Variants in POLN observed in about 807,000 individuals in gnomAD.
POLN encodes DNA polymerase N.
POLN carries 108 observed loss-of-function variants against 113.5 expected under a neutral mutation model. The ratio of observed to expected loss-of-function variants is 0.95; its 90% CI spans 0.81 to 1.12. The LOEUF (loss-of-function observed/expected upper bound fraction) is 1.12. Ranked by LOEUF, POLN falls within the 50% of genes most tolerant of loss-of-function variation. The probability of loss-of-function intolerance (pLI) is 0.00; values close to 1 mark genes in which losing one functional copy is unlikely to be tolerated. For synonymous variants in POLN, 386 were observed against 391.5 expected, an observed-to-expected ratio of 0.99 and a Z score of 0.17; for missense variants, 1,097 against 1,077.1, an observed-to-expected ratio of 1.02 and a Z score of -0.26.
intron 5 of POLN, among the ~76,000 whole-genome samples, chr4:2,201,477 T>A (rs1237938447): frequency 9.9e-5 from 15 of 151,240 alleles, no homozygotes; most frequent in Admixed American, 9.9e-4. Flanking sequence ...GGTTTTCAAA[T>A]TAACCCAATC....
intron 17 of POLN, among the ~76,000 whole-genome samples, chr4:2,130,560 G>C (rs756280608): frequency 1.3e-5 from 2 of 152,174 alleles, no homozygotes; most frequent in Non-Finnish European, 2.9e-5. Context: ...TTTTTAATGA[G>C]CTCTTAAACT....
chr4:2,133,259 G>T (rs896725775), intron 16 of POLN, among the ~76,000 whole-genome samples: 2 of 151,982 alleles, frequency 1.3e-5, no homozygotes, highest in Non-Finnish European at 2.9e-5. Context: ...CAATATGGAG[G>T]TTCCTCAAAA....
At chr4:2,140,406 G>T (rs1049885021) in intron 16 of POLN, among the ~76,000 whole-genome samples, 1 of 152,054 alleles carries the variant, frequency 6.6e-6, no homozygotes, top group Non-Finnish European at 1.5e-5. Context: ...CATGGAATAG[G>T]TTTAAAATTT....
chr4:2,171,280 C>T (rs866014957), intron 11 of POLN, 99 bp from the exon 12 acceptor site: 111 of 1,096,944 alleles, frequency 1.0e-4, no homozygotes, highest in African/African-American at 7.3e-4. Context: ...GAGATGGGCA[C>T]GGTGGCTTAT....
At chr4:2,130,027 G>A (rs891928578) in intron 17 of POLN, among the ~76,000 whole-genome samples, 2 of 151,960 alleles carry the variant, frequency 1.3e-5, no homozygotes, top group Non-Finnish European at 2.9e-5. Context: ...GCCGAGATGG[G>A]AAGATCACTT....
At chr4:2,081,825 G>A (rs1292822168) in intron 21 of POLN, 82 bp from the exon 22 acceptor site, 39 of 1,177,496 alleles carry the variant, frequency 3.3e-5, no homozygotes, top group Non-Finnish European at 4.5e-5. Flanking sequence ...AGGTCCAGAG[G>A]CCACAGAGGG....
chr4:2,146,231 C>T (rs989701876), intron 16 of POLN, among the ~76,000 whole-genome samples: 6 of 152,244 alleles, frequency 3.9e-5, no homozygotes, highest in South Asian at 2.1e-4. Flanking sequence ...GTAGGCCAGG[C>T]GTGGTGGCTC....
At chr4:2,224,949 T>C (rs1191840216) in intron 3 of POLN, among the ~76,000 whole-genome samples, 1 of 151,546 alleles carries the variant, frequency 6.6e-6, no homozygotes, top group Non-Finnish European at 1.5e-5. Context: ...AAACTCTGTC[T>C]TGGGAAAAAA....
chr4:2,131,047 T>C (rs979402398), intron 17 of POLN, among the ~76,000 whole-genome samples, 186 bp downstream of exon 17: 1 of 152,106 alleles, frequency 6.6e-6, no homozygotes, highest in Non-Finnish European at 1.5e-5. Flanking sequence ...TAGCCAAGTA[T>C]GGTGGTGTGT....
chr4:2,085,033 C>T (rs1232865366), intron 21 of POLN, among the ~76,000 whole-genome samples: 1 of 152,242 alleles, frequency 6.6e-6, no homozygotes, highest in Non-Finnish European at 1.5e-5. Context: ...AGCTTAGCCA[C>T]ATCCCAGTTT....
chr4:2,078,082 C>A (rs1730318329), intron 23 of POLN, among the ~76,000 whole-genome samples: 1 of 152,258 alleles, frequency 6.6e-6, no homozygotes, highest in South Asian at 2.1e-4. Context: ...AGCTCCCTTG[C>A]AAGGGATGCC....
intron 19 of POLN, among the ~76,000 whole-genome samples, chr4:2,122,916 G>C (rs1295383518): frequency 6.6e-6 from 1 of 152,074 alleles, no homozygotes; most frequent in Non-Finnish European, 1.5e-5. Flanking sequence ...ACTTTGGGAG[G>C]CCAAGGAGGG....
rs1730624459 is a variant in POLN, at chr4:2,089,802, A to C, written c.2066-4058T>G. On this transcript the variant is annotated intron_variant, in intron 20 of 25. Coordinates refer to ENST00000511885, the MANE Select transcript of POLN (RefSeq NM_181808.4). Reference sequence around the variant, plus strand: ...TGAATGCAGAATCATCTTTGGAAGCACATTCAGATGGATGAAGTCTCAACA... The same window carrying C: ...TGAATGCAGAATCATCTTTGGAAGCCCATTCAGATGGATGAAGTCTCAACA... 4 of 790,356 alleles carry C rather than the reference A, an allele frequency of 5.1e-6. No individual in the cohort carries two copies. In the African/African-American group the frequency reaches 5.2e-5, roughly 10 times the overall value. The allele number at this position is 790,356 out of a possible 1,614,324, so 49.0% of individuals were successfully genotyped here.
At chr4:2,159,770 T>C (rs1732531064) in intron 13 of POLN, among the ~76,000 whole-genome samples, 1 of 152,236 alleles carries the variant, frequency 6.6e-6, no homozygotes, top group African/African-American at 2.4e-5. Context: ...GTTACCTGTT[T>C]CCTGTCGTTG....
intron 19 of POLN, among the ~76,000 whole-genome samples, chr4:2,107,800 G>A (rs58925311): frequency 0.048 from 7,363 of 152,204 alleles, 630 homozygotes; most frequent in African/African-American, 0.17. Flanking sequence ...AGGGAAAACT[G>A]CCGCTGGGGC....
chr4:2,215,500 ATG>A (rs1401469691), intron 3 of POLN, among the ~76,000 whole-genome samples: 1 of 152,184 alleles, frequency 6.6e-6, no homozygotes, highest in African/African-American at 2.4e-5. Context: ...GGTCCTACAG[ATG>A]TGTCTCCCAA....
rs1046434053 is a variant in POLN, at chr4:2,115,891, T to C, written c.1982+12222A>G. On this transcript the variant is annotated intron_variant, in intron 19 of 25. Transcript: ENST00000511885. Reference sequence around the variant, plus strand: ...GTCCGGAGTCTAAGAACTGCACAATTTCAGGATTTCTTGGAGTTTTATAGC... The same window carrying C: ...GTCCGGAGTCTAAGAACTGCACAATCTCAGGATTTCTTGGAGTTTTATAGC... 2.0e-5 allele frequency among the ~76,000 whole-genome samples: 3 copies of C among 152,314 alleles called. No homozygotes were observed. In the East Asian group the frequency reaches 5.8e-4, roughly 29 times the overall value.
intron 20 of POLN, among the ~76,000 whole-genome samples, chr4:2,088,554 A>G (rs1019611303): frequency 2.6e-5 from 4 of 152,158 alleles, no homozygotes; most frequent in Admixed American, 2.6e-4. Context: ...GACATAGTTT[A>G]AAAAAAATTC....
chr4:2,095,987 G>A, intron 19 of POLN, 54 bp from the exon 20 acceptor site: 1 of 1,474,216 alleles, frequency 6.8e-7, no homozygotes, highest in Non-Finnish European at 9.5e-7. Flanking sequence ...TGTCAGTGCA[G>A]GGCAGACAGT....
Sources: allele counts gnomAD v4.1 joint callset (sites outside exome capture counted in the v4.1 genomes callset), GRCh38; gene constraint gnomAD v4.1.1; transcripts MANE v1.5; gene names NCBI Gene and HGNC (gene_info 2026-07-23, HGNC 2026-07-21).